ATM: variants seen among roughly 807,000 people sequenced by gnomAD.
The protein encoded by ATM is ATM serine/threonine kinase, also known as serine-protein kinase ATM.
Under a neutral mutation model 387.0 loss-of-function variants are expected in ATM, and 308 were observed. The observed-to-expected ratio is 0.80, with a 90% CI of 0.73 to 0.87. The LOEUF (loss-of-function observed/expected upper bound fraction) is 0.87. Ranked by LOEUF, ATM falls within the 40% of genes least tolerant of loss-of-function variation. The pLI is 0.00. For missense variants in ATM, 3,312 were observed against 3,560.9 expected (o/e 0.93, Z 1.78); for synonymous variants, 1,156 against 1,187.3 (o/e 0.97, Z 0.54).
At chr11:108,270,749 G>T (rs1319153224) in intron 18 of ATM, among the ~76,000 whole-genome samples, 5 of 152,100 alleles carry the variant, frequency 3.3e-5, no homozygotes, top group African/African-American at 1.2e-4. Flanking sequence ...GGGCTGGAGT[G>T]CAGTGGCGCG....
intron 5 of ATM, 153 bp downstream of exon 5, chr11:108,235,987 A>T: frequency 1.3e-6 from 1 of 776,546 alleles, no homozygotes; most frequent in Non-Finnish European, 2.1e-6. Context: ...ACTGACCCTT[A>T]ATTTTTATTT....
rs994539665 is a variant in ATM, at chr11:108,271,689, A to C, written c.3077+283A>C. Among the ~76,000 whole-genome samples the C allele has an allele frequency of 1.5e-4, 23 of 152,354 alleles. No homozygotes were observed. In the East Asian group the frequency reaches 3.9e-3, roughly 26 times the overall value. ...GAATAAAGGATAACAAGCCAAAATC[A>C]GTTGAATTGTTCATGTTCCCTAAGT... On this transcript the variant is annotated intron_variant, in intron 20 of 62. Transcript: ENST00000675843.
rs1483677358 is a variant in ATM, at chr11:108,367,659, T to C, written c.*2151T>C. 3 of 212,684 alleles carry C rather than the reference T, an allele frequency of 1.4e-5. No individual in the cohort carries two copies. Among genetic ancestry groups the C allele is most frequent in the African/African-American group, 6.8e-5 (3 of 44,126 alleles). 13.2% of individuals were successfully genotyped at this position (212,684 alleles called of 1,614,324 possible). A position where few individuals can be genotyped will look rare whatever the true frequency, so the allele number is the denominator to read the frequency against. On this transcript the variant is annotated 3_prime_UTR_variant, in exon 63 of 63. Transcript: ENST00000675843. ...ATATAAATTTTTTTCTTATGAAGAG[T>C]TGGCATTTCTTTTTATTGCCAATGG...
chr11:108,364,741 GC>G (rs2137843687), intron 61 of ATM, among the ~76,000 whole-genome samples: 1 of 152,272 alleles, frequency 6.6e-6, no homozygotes, highest in South Asian at 2.1e-4. Flanking sequence ...GAAGAATTGG[GC>G]CCTACAAAGC....
At chr11:108,356,892 C>G (rs2090003557) in intron 61 of ATM, among the ~76,000 whole-genome samples, 2 of 152,200 alleles carry the variant, frequency 1.3e-5, no homozygotes, top group African/African-American at 4.8e-5. Flanking sequence ...TGATTTGCAT[C>G]TCCACCTACA....
intron 56 of ATM, among the ~76,000 whole-genome samples, chr11:108,337,247 T>C (rs964709967): frequency 1.3e-5 from 2 of 152,306 alleles, no homozygotes; most frequent in South Asian, 4.1e-4. Context: ...GAAAGCACAA[T>C]TTTTTCCGTA....
intron 4 of ATM, among the ~76,000 whole-genome samples, chr11:108,235,287 T>G (rs1777816815): frequency 6.7e-6 from 1 of 148,862 alleles, no homozygotes; most frequent in African/African-American, 2.5e-5. Context: ...CAGACCAAGA[T>G]TCCATCTCAA....
Position 108,253,964 on chromosome 11 carries a change from C to G in ATM, c.2049C>G (p.His683Gln), listed in dbSNP as rs2080310621. ...AGTCCAGTATTGGCTTCTCTGTCCA[C>G]CAGAATCTCAAGGAATCACTGGATC... ...KHQSSIGFSVHQNLKESLDRC... is the reference protein window; with the variant it reads ...KHQSSIGFSVQQNLKESLDRC... The change falls in exon 13 of 63, where the codon CAC becomes CAG. Residue 683 changes from histidine to glutamine, a missense_variant. Physicochemically the swap from His to Gln is conservative, Grantham distance 24. Coordinates refer to ENST00000675843, the MANE Select transcript of ATM (RefSeq NM_000051.4). 1 of 1,614,028 alleles carries G rather than the reference C, an allele frequency of 6.2e-7. No homozygotes were observed. Among genetic ancestry groups the G allele is most frequent in the African/African-American group, 1.3e-5 (1 of 75,026 alleles).
chr11:108,226,620 C>T (rs971259540), intron 1 of ATM: 2 of 152,140 alleles, frequency 1.3e-5, no homozygotes, highest in Non-Finnish European at 2.9e-5. Flanking sequence ...AGCTTACTAG[C>T]TCTGATAACC....
At chr11:108,245,544 G>T (rs984795005) in intron 7 of ATM, among the ~76,000 whole-genome samples, 1 of 152,100 alleles carries the variant, frequency 6.6e-6, no homozygotes, top group African/African-American at 2.4e-5. Context: ...GGCCCTGTTT[G>T]CCCTAGAGTA....
At chr11:108,353,965 C>A in intron 60 of ATM, 85 bp downstream of exon 60, 1 of 1,356,958 alleles carries the variant, frequency 7.4e-7, no homozygotes, top group South Asian at 1.2e-5. Context: ...CCTGTAATCC[C>A]AGCTGCTCAA....
chr11:108,247,406 G>A (rs578090052), intron 8 of ATM, among the ~76,000 whole-genome samples: 4 of 152,036 alleles, frequency 2.6e-5, no homozygotes, highest in African/African-American at 9.6e-5. Context: ...GATTCGATTC[G>A]ACTCGACTGT....
rs587781730 is a variant in ATM, at chr11:108,307,928, T to TA, written c.5712dup (p.Ser1905IlefsTer25). The TA allele has an allele frequency of 2.0e-5, 33 of 1,613,696 alleles. No homozygotes were observed. Among genetic ancestry groups the TA allele is most frequent in the Non-Finnish European group, 2.6e-5 (31 of 1,179,904 alleles). ...AGCACTTTTTCCGATGCTGTTTGGA[T>TA]AAAAAATCACAAAGAACAATGCTTG... On this transcript the variant is annotated frameshift_variant, in exon 38 of 63. Transcript: ENST00000675843. LOFTEE classifies it high-confidence loss of function.
rs1174071402 is a variant in ATM at position 108,265,697 on chromosome 11, A to G, written c.2467-1474A>G. On this transcript the variant is annotated intron_variant, in intron 16 of 62. Coordinates refer to ENST00000675843, the MANE Select transcript of ATM (RefSeq NM_000051.4). ...AAACTACCATCAGAGTGAACAGGCA[A>G]CCTACAAAATGGGAGAAAATTTTCG... 6.9e-3 allele frequency among the ~76,000 whole-genome samples: 1,008 copies of G among 146,010 alleles called. 8 individuals carry two copies. Among genetic ancestry groups the G allele is most frequent in the African/African-American group, 0.024 (920 of 39,086 alleles).
intron 29 of ATM, among the ~76,000 whole-genome samples, chr11:108,292,415 C>G (rs1396019676): frequency 1.3e-5 from 2 of 152,106 alleles, no homozygotes; most frequent in East Asian, 1.9e-4. Flanking sequence ...TTCAATGTTT[C>G]TATTAAAGGA....
At chr11:108,334,279 T>G (rs1240377710) in intron 54 of ATM, among the ~76,000 whole-genome samples, 1 of 152,194 alleles carries the variant, frequency 6.6e-6, no homozygotes, top group East Asian at 1.9e-4. Context: ...ATTTTTGACT[T>G]GGCAAGGAAG....
intron 45 of ATM, 150 bp from the exon 46 acceptor site, chr11:108,325,159 TG>T (rs1439295013): frequency 4.3e-5 from 26 of 599,494 alleles, no homozygotes; most frequent in Non-Finnish European, 7.2e-5. Context: ...TTGATCCATA[TG>T]TAGGATTATT....
chr11:108,226,257 A>G (rs1342539108), intron 1 of ATM: 1 of 152,142 alleles, frequency 6.6e-6, no homozygotes, highest in Non-Finnish European at 1.5e-5. Context: ...GGTAGTGAGC[A>G]TAGTACCTGA....
At chr11:108,302,773 T>G (rs3092908) in intron 35 of ATM, 80 bp from the exon 36 acceptor site, 4 of 1,320,336 alleles carry the variant, frequency 3.0e-6, no homozygotes, top group Admixed American at 3.8e-5. Flanking sequence ...TCAGAAAGAT[T>G]TGTTATACTC....
Sources: allele counts gnomAD v4.1 joint callset (sites outside exome capture counted in the v4.1 genomes callset), GRCh38; gene constraint gnomAD v4.1.1; transcripts MANE v1.5; gene names NCBI Gene and HGNC (gene_info 2026-07-23, HGNC 2026-07-21).